Variants in ITPRID1 observed in about 807,000 individuals in gnomAD.
ITPRID1 encodes the protein protein ITPRID1.
Under a neutral mutation model 95.4 loss-of-function variants are expected in ITPRID1, and 96 were observed. The ratio of observed to expected loss-of-function variants is 1.01; its 90% confidence interval spans 0.85 to 1.19. The LOEUF (loss-of-function observed/expected upper bound fraction) is 1.19, where lower values mean the gene tolerates loss of function less well. ITPRID1 is among the 50% of genes most tolerant of loss of function. The pLI, the probability that ITPRID1 is intolerant of heterozygous loss-of-function variation, is 0.00. For missense variants in ITPRID1, 1,339 were observed against 1,252.9 expected (o/e 1.07, Z -1.04); for synonymous variants, 510 against 453.6 (o/e 1.12, Z -1.58).
chr7:31,545,767 CTGCT>C (rs999010410), intron 1 of ITPRID1, among the ~76,000 whole-genome samples: 1 of 152,064 alleles, frequency 6.6e-6, no homozygotes, highest in African/African-American at 2.4e-5. Flanking sequence ...TCATCACAGA[CTGCT>C]TGTTCCTCCT....
chr7:31,552,652 C>T (rs924043810), intron 2 of ITPRID1, among the ~76,000 whole-genome samples: 19 of 152,254 alleles, frequency 1.2e-4, no homozygotes, highest in African/African-American at 4.1e-4. Context: ...ATAGATATAA[C>T]TGTTAGGTAA....
At chr7:31,632,479 A>C (rs1789099707) in intron 10 of ITPRID1, among the ~76,000 whole-genome samples, 1 of 152,146 alleles carries the variant, frequency 6.6e-6, no homozygotes, top group African/African-American at 2.4e-5. Context: ...AAAATTATCC[A>C]TGACAGGATG....
chr7:31,620,675 A>G (rs1787779362), intron 10 of ITPRID1, among the ~76,000 whole-genome samples: 1 of 151,538 alleles, frequency 6.6e-6, no homozygotes, highest in Non-Finnish European at 1.5e-5. Context: ...CAGAACAGAA[A>G]AACTGGAAAC....
chr7:31,642,121 C>T (rs1428007697), intron 10 of ITPRID1, 55 bp from the exon 11 acceptor site: 1 of 1,332,764 alleles, frequency 7.5e-7, no homozygotes, highest in Non-Finnish European at 1.0e-6. Context: ...TGATCCAAGT[C>T]CTGCTGGCTG....
intron 1 of ITPRID1, among the ~76,000 whole-genome samples, chr7:31,546,285 C>T (rs146507444): frequency 6.6e-6 from 1 of 151,958 alleles, no homozygotes; most frequent in African/African-American, 2.4e-5. Flanking sequence ...TGTTGGGAGG[C>T]ACATAAGAGA....
At chr7:31,525,025 G>A (rs140955669) in intron 1 of ITPRID1, among the ~76,000 whole-genome samples, 2 of 152,178 alleles carry the variant, frequency 1.3e-5, no homozygotes, top group East Asian at 3.9e-4. Context: ...TGTGCAATTA[G>A]TATTATTATT....
intron 1 of ITPRID1, among the ~76,000 whole-genome samples, chr7:31,520,276 A>G (rs573752309): frequency 6.6e-6 from 1 of 152,246 alleles, no homozygotes; most frequent in Non-Finnish European, 1.5e-5. Flanking sequence ...TAACCTGAAC[A>G]CCTGCCTGAG....
At chr7:31,620,741 T>C (rs1410738133) in intron 10 of ITPRID1, among the ~76,000 whole-genome samples, 3 of 151,850 alleles carry the variant, frequency 2.0e-5, no homozygotes, top group Admixed American at 2.0e-4. Context: ...TCACCAGCAA[T>C]GGAACAAAGC....
At chr7:31,584,081 T>C (rs1240129994) in intron 10 of ITPRID1, among the ~76,000 whole-genome samples, 1 of 152,182 alleles carries the variant, frequency 6.6e-6, no homozygotes, top group African/African-American at 2.4e-5. Flanking sequence ...TATTCCTGGT[T>C]TTCATTCCCC....
intron 10 of ITPRID1, among the ~76,000 whole-genome samples, chr7:31,623,503 T>C (rs38356): frequency 0.94 from 141,905 of 151,714 alleles, 66,671 homozygotes; most frequent in East Asian, 0.99. Flanking sequence ...AAGACAAAAA[T>C]GACACGATTA....
In ITPRID1 at chr7:31,654,306, G is replaced by A. The variant is rs1327190133; in HGVS notation, c.*1477G>A. On this transcript the variant is annotated 3_prime_UTR_variant, in exon 15 of 15. Transcript: ENST00000615280. ...ATGGAAAGTTAACAGGCCCCCAGAT[G>A]TAGAGATAGCCAGTGCTGCTCAGTG... Among the ~76,000 whole-genome samples, 1 of 152,174 alleles carries A rather than the reference G, an allele frequency of 6.6e-6. No individual in the cohort carries two copies. Among genetic ancestry groups the A allele is most frequent in the Non-Finnish European group, 1.5e-5 (1 of 68,022 alleles).
chr7:31,555,064 G>T, intron 5 of ITPRID1, 163 bp downstream of exon 5: 1 of 588,854 alleles, frequency 1.7e-6, no homozygotes. Context: ...ATATGACTGC[G>T]ACAAAAATGA....
At chr7:31,527,157 T>C (rs1197119297) in intron 1 of ITPRID1, among the ~76,000 whole-genome samples, 2 of 152,076 alleles carry the variant, frequency 1.3e-5, no homozygotes. Flanking sequence ...TCATCCTCCT[T>C]CTCCCCACCC....
intron 10 of ITPRID1, among the ~76,000 whole-genome samples, chr7:31,597,075 A>G (rs1786120196): frequency 6.6e-6 from 1 of 151,994 alleles, no homozygotes; most frequent in Non-Finnish European, 1.5e-5. Context: ...AATGTAATTG[A>G]TTCATAATTT....
intron 5 of ITPRID1, among the ~76,000 whole-genome samples, 195 bp from the exon 6 acceptor site, chr7:31,569,562 AT>A (rs1275515565): frequency 1.3e-5 from 2 of 152,122 alleles, no homozygotes; most frequent in South Asian, 2.1e-4. Flanking sequence ...GAGCCAGTAC[AT>A]TTCTTCACGT....
chr7:31,519,963 T>G (rs1347160842), intron 1 of ITPRID1, among the ~76,000 whole-genome samples: 1 of 151,946 alleles, frequency 6.6e-6, no homozygotes, highest in Admixed American at 6.6e-5. Context: ...TACCTAACTT[T>G]TTTTTTTGTT....
chr7:31,584,805 A>G (rs1314659453), intron 10 of ITPRID1, among the ~76,000 whole-genome samples: 1 of 152,256 alleles, frequency 6.6e-6, no homozygotes, highest in Non-Finnish European at 1.5e-5. Flanking sequence ...TGAGATATGT[A>G]TACATGCATT....
At chr7:31,567,906 G>A (rs1562574706) in intron 5 of ITPRID1, among the ~76,000 whole-genome samples, 1 of 152,058 alleles carries the variant, frequency 6.6e-6, no homozygotes, top group Non-Finnish European at 1.5e-5. Context: ...CAGGTGGATC[G>A]CTTGAGGCCA....
chr7:31,537,313 T>A (rs1783793844), intron 1 of ITPRID1, among the ~76,000 whole-genome samples: 1 of 152,164 alleles, frequency 6.6e-6, no homozygotes, highest in Non-Finnish European at 1.5e-5. Context: ...ACAATTGGTG[T>A]TTAAAAATCT....
Sources: allele counts gnomAD v4.1 joint callset (sites outside exome capture counted in the v4.1 genomes callset), GRCh38; gene constraint gnomAD v4.1.1; transcripts MANE v1.5; gene names NCBI Gene and HGNC (gene_info 2026-07-23, HGNC 2026-07-21).